NDUFS1: variants seen among roughly 807,000 people sequenced by gnomAD.
NDUFS1 encodes the protein NADH:ubiquinone oxidoreductase core subunit S1.
A neutral mutation model predicts 84.4 loss-of-function variants in NDUFS1; 61 were observed. The observed-to-expected ratio is 0.72, with a 90% confidence interval of 0.59 to 0.89. NDUFS1 has a LOEUF of 0.89. NDUFS1 is among the 40% of genes least tolerant of loss of function. NDUFS1 has a pLI of 0.00. For synonymous variants in NDUFS1, 275 were observed against 290.0 expected, an observed-to-expected ratio of 0.95 and a Z score of 0.53; for missense variants, 891 against 890.0, an observed-to-expected ratio of 1.00 and a Z score of -0.01.
At position 206,152,513 on chromosome 2, in the gene NDUFS1, G is replaced by T; in HGVS notation, c.62-3C>A. On this transcript the variant is annotated splice_region_variant and splice_polypyrimidine_tract_variant and intron_variant, in intron 2 of 18. Transcript: ENST00000233190. ...TGCTGCTGTGGCAGTTGTTCGAACT[G>T]ACCATCAAAGATATTGAAGCGAAAA... The T allele has an allele frequency of 6.2e-7, 1 of 1,612,864 alleles. No individual in the cohort carries two copies. Among genetic ancestry groups the T allele is most frequent in the South Asian group, 1.1e-5 (1 of 91,030 alleles).
chr2:206,157,963 C>CTTTT (rs1553509152), intron 1 of NDUFS1, among the ~76,000 whole-genome samples: 1 of 131,864 alleles, frequency 7.6e-6, no homozygotes. Flanking sequence ...ATTTCAATAG[C>CTTTT]TTTTTTTTTT....
intron 18 of NDUFS1, 27 bp downstream of exon 18, chr2:206,126,512 G>C: frequency 6.2e-7 from 1 of 1,601,774 alleles, no homozygotes; most frequent in Non-Finnish European, 8.6e-7. Flanking sequence ...TTTCGTATTT[G>C]GCAGAGTCAT....
rs1355873075 is a variant in NDUFS1, at chr2:206,119,185, G to C, written c.*5000C>G. 6.6e-6 allele frequency: 1 copy of C among 152,182 alleles called. No individual in the cohort carries two copies. The highest frequency in any genetic ancestry group is 1.5e-5 in the Non-Finnish European group (1 of 68,034). The allele number at this position is 152,182 out of a possible 1,614,324, so 9.4% of individuals were successfully genotyped here. On this transcript the variant is annotated 3_prime_UTR_variant, in exon 19 of 19. Coordinates refer to ENST00000233190, the MANE Select transcript of NDUFS1 (RefSeq NM_005006.7). The stretch of plus-strand genomic sequence containing the variant: ...ATAGTCTATGAAATTTTCCTACAAT[G>C]ATCATCCTCAGTTAGCACATGGGGC...
rs537860635 is a variant in NDUFS1, at chr2:206,129,724, T to C, written c.1708+364A>G. Among the ~76,000 whole-genome samples the C allele has an allele frequency of 7.2e-5, 11 of 152,114 alleles. No individual in the cohort carries two copies. The South Asian group carries it at 2.3e-3, about 32-fold the overall frequency. On this transcript the variant is annotated intron_variant, in intron 15 of 18. Coordinates refer to ENST00000233190, the MANE Select transcript of NDUFS1 (RefSeq NM_005006.7). Reference sequence around the variant, plus strand: ...CTCCTGTCTTAGCCTCCCGAGTAGCTGGGATTACAGGCGCCCGCCACCACG... The same window carrying C: ...CTCCTGTCTTAGCCTCCCGAGTAGCCGGGATTACAGGCGCCCGCCACCACG...
At chr2:206,134,449 C>T (rs1012937844) in intron 13 of NDUFS1, among the ~76,000 whole-genome samples, 5 of 152,170 alleles carry the variant, frequency 3.3e-5, no homozygotes, top group African/African-American at 1.2e-4. Flanking sequence ...GCCTGGGCAA[C>T]GTGGCAAAAC....
Position 206,147,950 on chromosome 2 carries a change from C to T in NDUFS1, c.339-116G>A. ...TTTTTTTTTTTGAGATGGTGTCTCG[C>T]TCTGTTGCTCAGGCTGCAGTGCAGT... On this transcript the variant is annotated intron_variant, in intron 5 of 18. Coordinates refer to ENST00000233190, the MANE Select transcript of NDUFS1 (RefSeq NM_005006.7). The T allele has an allele frequency of 4.3e-6, 4 of 926,230 alleles. No homozygotes were observed. The Admixed American group carries it at 7.5e-5, about 17-fold the overall frequency. 57.4% of individuals were successfully genotyped at this position (926,230 alleles called of 1,614,324 possible).
At chr2:206,151,790 A>G (rs1692378963) in intron 3 of NDUFS1, among the ~76,000 whole-genome samples, 1 of 152,248 alleles carries the variant, frequency 6.6e-6, no homozygotes, top group African/African-American at 2.4e-5. Flanking sequence ...AATGAAAAGC[A>G]TTAAGCAGGC....
Position 206,141,660 on chromosome 2 carries a change from A to C in NDUFS1, c.1262+281T>G, listed in dbSNP as rs540947739. On this transcript the variant is annotated intron_variant, in intron 12 of 18. Transcript: ENST00000233190. The stretch of plus-strand genomic sequence containing the variant: ...GAAATCCCAGCACTTTGGGAGGCTG[A>C]GGCGGGCGGATCACGAGGTCAGGAA... Among the ~76,000 whole-genome samples, 81 of 150,168 alleles carry C rather than the reference A, an allele frequency of 5.4e-4. 1 individual carries two copies. The highest frequency in any genetic ancestry group is 1.9e-3 in the African/African-American group (77 of 41,242).
At chr2:206,142,618 A>C in intron 11 of NDUFS1, 68 bp downstream of exon 11, 3 of 1,588,568 alleles carry the variant, frequency 1.9e-6, no homozygotes, top group Non-Finnish European at 1.7e-6. Flanking sequence ...CCAGGTTGTC[A>C]CATTTTATAC....
At chr2:206,159,265 C>T (rs1687813910) in intron 1 of NDUFS1, 76 bp downstream of exon 1, 3 of 850,312 alleles carry the variant, frequency 3.5e-6, no homozygotes, top group Non-Finnish European at 3.8e-6. Context: ...GTCGCGTGGG[C>T]CAAAGGAAAC....
Position 206,142,700 on chromosome 2 carries a change from G to A in NDUFS1, c.1119C>T (p.Pro373=). ...ATATTTCTCACCCAGCTCCTGCAGT[G>A]GGGAAGACCTCTTCAGTGCATAAGG... The part of the protein sequence containing the change: ...SDTLCTEEVF[P]TAGAGTDLRS... Residue 373 remains proline (P), a synonymous_variant, in exon 11 of 19, where the codon CCC becomes CCT. Coordinates refer to ENST00000233190, the MANE Select transcript of NDUFS1 (RefSeq NM_005006.7). 6.2e-7 allele frequency: 1 copy of A among 1,614,146 alleles called. No individual in the cohort carries two copies. The highest frequency in any genetic ancestry group is 1.1e-5 in the South Asian group (1 of 91,072).
At chr2:206,157,430 C>T (rs1424935759) in intron 1 of NDUFS1, among the ~76,000 whole-genome samples, 1 of 152,138 alleles carries the variant, frequency 6.6e-6, no homozygotes, top group African/African-American at 2.4e-5. Flanking sequence ...GAAGACCTAG[C>T]ACAGGACCCT....
intron 3 of NDUFS1, among the ~76,000 whole-genome samples, chr2:206,150,413 G>A (rs1175688236): frequency 6.6e-6 from 1 of 152,140 alleles, no homozygotes; most frequent in East Asian, 1.9e-4. Context: ...CCCAGTAAGG[G>A]GGATTATCCC....
chr2:206,159,290 A>G, intron 1 of NDUFS1, 51 bp downstream of exon 1: 2 of 730,412 alleles, frequency 2.7e-6, no homozygotes, highest in East Asian at 2.7e-5. Flanking sequence ...CCGTCAATAA[A>G]TAAGCCTCTG....
chr2:206,132,601 AAAAG>A (rs754481638), intron 14 of NDUFS1, among the ~76,000 whole-genome samples: 3 of 152,222 alleles, frequency 2.0e-5, no homozygotes, highest in South Asian at 2.1e-4. Context: ...AAAAGAAAAA[AAAAG>A]AAAGAAAGAA....
Position 206,144,971 on chromosome 2 carries a change from T to C in NDUFS1, c.793A>G (p.Thr265Ala). The change falls in exon 9 of 19, where the codon ACA (threonine) becomes GCA (alanine). Residue 265 changes from threonine (T) to alanine (A), a missense_variant. Transcript: ENST00000233190. The stretch of plus-strand genomic sequence containing the variant: ...ATCCTCATCACTTCTCCAGTTCTTG[T>C]GCTAACCACAATATTACTTCCAACC... ...DAVGSNIVVSTRTGEVMRILP... is the reference protein window; with the variant it reads ...DAVGSNIVVSARTGEVMRILP... The C allele has an allele frequency of 6.2e-7, 1 of 1,614,124 alleles. No individual in the cohort carries two copies. The highest frequency in any genetic ancestry group is 8.5e-7 in the Non-Finnish European group (1 of 1,179,982).
At chr2:206,138,881 C>T (rs947838931) in intron 12 of NDUFS1, among the ~76,000 whole-genome samples, 4 of 152,156 alleles carry the variant, frequency 2.6e-5, no homozygotes, top group Admixed American at 6.5e-5. Context: ...CTTTAGGAGG[C>T]TAAGGCAGGT....
chr2:206,156,741 A>G (rs1044477301), intron 1 of NDUFS1, among the ~76,000 whole-genome samples: 3 of 152,244 alleles, frequency 2.0e-5, no homozygotes, highest in Non-Finnish European at 4.4e-5. Flanking sequence ...AGGAAATTTC[A>G]TTCATAAATT....
intron 1 of NDUFS1, among the ~76,000 whole-genome samples, chr2:206,158,074 C>T (rs941680112): frequency 9.3e-5 from 12 of 128,506 alleles, no homozygotes; most frequent in African/African-American, 4.1e-4. Flanking sequence ...CGCCAGCCTC[C>T]TGCCTCAGCC....
Sources: gnomAD v4.1 joint callset for allele counts (sites outside exome capture counted in the v4.1 genomes callset) on GRCh38, gnomAD v4.1.1 for gene constraint, MANE v1.5 for transcripts, NCBI Gene and HGNC (gene_info 2026-07-23, HGNC 2026-07-21) for gene names.